Variants in PRTFDC1 observed in about 807,000 individuals in gnomAD.
PRTFDC1 encodes the protein phosphoribosyl transferase domain containing 1, also known as phosphoribosyltransferase domain-containing protein 1.
PRTFDC1 carries 38 observed loss-of-function variants against 34.6 expected under a neutral mutation model. The observed-to-expected ratio is 1.10, with a 90% CI of 0.85 to 1.44. The LOEUF (loss-of-function observed/expected upper bound fraction) is 1.44. Among genes scored for constraint, PRTFDC1 ranks in the 40% most tolerant of loss-of-function variants. The probability of loss-of-function intolerance (pLI) is 0.00; values close to 1 mark genes in which losing one functional copy is unlikely to be tolerated. For synonymous variants in PRTFDC1, 93 were observed against 98.1 expected (o/e 0.95, Z 0.31); for missense variants, 270 against 283.0 (o/e 0.95, Z 0.33).
intron 3 of PRTFDC1, among the ~76,000 whole-genome samples, chr10:24,873,453 GA>G (rs953204019): frequency 6.6e-6 from 1 of 152,142 alleles, no homozygotes; most frequent in African/African-American, 2.4e-5. Context: ...ACCTTGGGGA[GA>G]AAAAAACAAT....
chr10:24,928,776 G>A (rs1447575685), intron 3 of PRTFDC1, among the ~76,000 whole-genome samples: 2 of 151,366 alleles, frequency 1.3e-5, no homozygotes, highest in Non-Finnish European at 2.9e-5. Context: ...AGTGGCTCAC[G>A]CCTGTAATCT....
chr10:24,873,720 T>C (rs889009962), intron 3 of PRTFDC1, among the ~76,000 whole-genome samples: 6 of 152,122 alleles, frequency 3.9e-5, no homozygotes, highest in Admixed American at 3.3e-4. Context: ...TGGGCTGGTT[T>C]GAATTGGATT....
At chr10:24,928,147 A>G (rs1848909888) in intron 3 of PRTFDC1, among the ~76,000 whole-genome samples, 2 of 152,166 alleles carry the variant, frequency 1.3e-5, no homozygotes, top group African/African-American at 4.8e-5. Flanking sequence ...CTTTAGATTT[A>G]GTGAAATATG....
At chr10:24,929,455 T>C (rs1809584584) in intron 3 of PRTFDC1, among the ~76,000 whole-genome samples, 1 of 152,196 alleles carries the variant, frequency 6.6e-6, no homozygotes, top group Admixed American at 6.5e-5. Context: ...AAAAATCTCT[T>C]GGTGTTGCCA....
chr10:24,862,806 A>G (rs892296155), intron 4 of PRTFDC1, among the ~76,000 whole-genome samples: 2 of 152,132 alleles, frequency 1.3e-5, no homozygotes, highest in African/African-American at 2.4e-5. Context: ...AATTCTTGCA[A>G]TATTTCAAAT....
chr10:24,897,931 C>G (rs1248535548), intron 3 of PRTFDC1, among the ~76,000 whole-genome samples: 3 of 152,126 alleles, frequency 2.0e-5, no homozygotes, highest in African/African-American at 4.8e-5. Context: ...ATGTTTATCA[C>G]AGCATTATTT....
At chr10:24,936,519 C>T (rs888242860) in intron 3 of PRTFDC1, among the ~76,000 whole-genome samples, 1 of 152,166 alleles carries the variant, frequency 6.6e-6, no homozygotes, top group Non-Finnish European at 1.5e-5. Context: ...CTCCTGGCTT[C>T]AGGGGATCCT....
chr10:24,920,752 G>A (rs1313810224), intron 3 of PRTFDC1, among the ~76,000 whole-genome samples: 1 of 152,044 alleles, frequency 6.6e-6, no homozygotes, highest in Non-Finnish European at 1.5e-5. Flanking sequence ...TCTGCATAGA[G>A]TAGTCTAACA....
At chr10:24,937,900 G>T (rs935755683) in intron 2 of PRTFDC1, among the ~76,000 whole-genome samples, 11 of 151,998 alleles carry the variant, frequency 7.2e-5, no homozygotes, top group African/African-American at 2.7e-4. Flanking sequence ...CATAAAAAAT[G>T]TACATCAGAA....
rs1434046838 is a variant in PRTFDC1, at chr10:24,952,236, C to CG, written c.48+291dup. 3.3e-5 allele frequency among the ~76,000 whole-genome samples: 5 copies of CG among 152,118 alleles called. No individual in the cohort carries two copies. The highest frequency in any genetic ancestry group is 7.4e-5 in the Non-Finnish European group (5 of 68,024). On this transcript the variant is annotated intron_variant, in intron 1 of 8. Transcript: ENST00000320152. This position sits in a 1 kb window ranked among gnomAD's most constrained non-coding sequence, Gnocchi z 5.1. ...CGCAGAAGCGACTCCCCGTGGCTCGCGGGGATGGGGACGGCTGGGCGCCGG... is the reference window on the plus strand; with the variant it reads ...CGCAGAAGCGACTCCCCGTGGCTCGCGGGGGATGGGGACGGCTGGGCGCCGG...
rs949611545 is a variant in PRTFDC1, at chr10:24,848,843, AT to A, written c.*1000del. On this transcript the variant is annotated 3_prime_UTR_variant, in exon 9 of 9. Coordinates refer to ENST00000320152, the MANE Select transcript of PRTFDC1 (RefSeq NM_020200.7). ...TATAAAACGGAGAAATTGGAAAAAA[AT>A]GTTATTCAGAAAAAAACTTTCTTGA... 91 of 152,148 alleles carry A rather than the reference AT, an allele frequency of 6.0e-4. No individual in the cohort carries two copies. Among genetic ancestry groups the A allele is most frequent in the African/African-American group, 2.0e-3 (82 of 41,542 alleles). The allele number at this position is 152,148 out of a possible 1,614,324, so 9.4% of individuals were successfully genotyped here.
chr10:24,923,231 C>G (rs1042643893), intron 3 of PRTFDC1, among the ~76,000 whole-genome samples: 3 of 152,234 alleles, frequency 2.0e-5, no homozygotes, highest in African/African-American at 7.2e-5. Context: ...TATAGCTGAA[C>G]AAAAGGCAGC....
intron 3 of PRTFDC1, among the ~76,000 whole-genome samples, chr10:24,898,583 T>G (rs1395035383): frequency 6.6e-6 from 1 of 152,026 alleles, no homozygotes; most frequent in African/African-American, 2.4e-5. Flanking sequence ...CTCCCTCTCC[T>G]TTTCTCCTTC....
At chr10:24,891,845 C>G (rs974280796) in intron 3 of PRTFDC1, among the ~76,000 whole-genome samples, 1 of 152,142 alleles carries the variant, frequency 6.6e-6, no homozygotes, top group South Asian at 2.1e-4. Flanking sequence ...GAAATCCTTG[C>G]AAGACAGAGA....
intron 3 of PRTFDC1, among the ~76,000 whole-genome samples, chr10:24,886,463 A>T (rs1016258431): frequency 6.6e-6 from 1 of 152,108 alleles, no homozygotes; most frequent in Non-Finnish European, 1.5e-5. Flanking sequence ...CCTCCACCTG[A>T]CCAACAGGTT....
chr10:24,942,241 G>A, intron 2 of PRTFDC1, 89 bp downstream of exon 2: 3 of 1,064,578 alleles, frequency 2.8e-6, no homozygotes, highest in Non-Finnish European at 4.3e-6. Flanking sequence ...CGCAGCTCAG[G>A]AATAGGGTCC....
intron 1 of PRTFDC1, among the ~76,000 whole-genome samples, chr10:24,949,216 G>A (rs1054595872): frequency 4.6e-5 from 7 of 151,900 alleles, no homozygotes; most frequent in Non-Finnish European, 7.4e-5. Flanking sequence ...CAGCCTCCCC[G>A]GTAGCTGGGA....
At chr10:24,945,878 T>A (rs16925176) in intron 1 of PRTFDC1, among the ~76,000 whole-genome samples, 1 of 152,174 alleles carries the variant, frequency 6.6e-6, no homozygotes, top group Non-Finnish European at 1.5e-5. Flanking sequence ...TCCTTGTACC[T>A]GCTATAACCT....
At chr10:24,892,683 G>A (rs1247894196) in intron 3 of PRTFDC1, among the ~76,000 whole-genome samples, 2 of 152,036 alleles carry the variant, frequency 1.3e-5, no homozygotes, top group Non-Finnish European at 2.9e-5. Context: ...TTCAAATTTA[G>A]TAACAAATTG....
Sources: allele counts gnomAD v4.1 joint callset (sites outside exome capture counted in the v4.1 genomes callset), GRCh38; gene constraint gnomAD v4.1.1; non-coding constraint Gnocchi (gnomAD v3.1); transcripts MANE v1.5; gene names NCBI Gene and HGNC (gene_info 2026-07-23, HGNC 2026-07-21).